ZSCAN25: variants seen among roughly 807,000 people sequenced by gnomAD.
The protein encoded by ZSCAN25 is zinc finger and SCAN domain-containing protein 25.
A neutral mutation model predicts 38.7 loss-of-function variants in ZSCAN25; 27 were observed. The ratio of observed to expected loss-of-function variants is 0.70; its 90% CI spans 0.51 to 0.96. ZSCAN25 has a LOEUF of 0.96. Ranked by LOEUF, ZSCAN25 falls within the 40% of genes least tolerant of loss-of-function variation. The pLI, the probability that ZSCAN25 is intolerant of heterozygous loss-of-function variation, is 0.00. For missense variants in ZSCAN25, 637 were observed against 705.9 expected (o/e 0.90, Z 1.11); for synonymous variants, 273 against 277.7 (o/e 0.98, Z 0.17).
At chr7:99,679,844 C>G in the ZSCAN25 span, 1 of 1,614,158 alleles carries the variant, frequency 6.2e-7, no homozygotes, top group African/African-American at 1.3e-5. Context: ...GAGCACCAGG[C>G]TGACAGCCAG....
the ZSCAN25 span, chr7:99,648,233 G>T: frequency 6.4e-7 from 1 of 1,559,688 alleles, no homozygotes; most frequent in African/African-American, 1.4e-5. Context: ...AGGTTTTATT[G>T]ACTAAGTTGA....
At chr7:99,651,766 C>T in the ZSCAN25 span, among the ~76,000 whole-genome samples, 2 of 152,220 alleles carry the variant, frequency 1.3e-5, no homozygotes, top group South Asian at 2.1e-4. Flanking sequence ...GCGAACTGTG[C>T]CTAAGGCCTG....
the ZSCAN25 span, among the ~76,000 whole-genome samples, chr7:99,662,591 A>G: frequency 6.6e-6 from 1 of 152,144 alleles, no homozygotes; most frequent in Non-Finnish European, 1.5e-5. This position sits in a 1 kb window ranked among gnomAD's most constrained non-coding sequence, Gnocchi z 4.3. Flanking sequence ...ACTGTCCTCC[A>G]AGCATTCTAG....
the ZSCAN25 span, chr7:99,652,610 T>C: frequency 6.2e-7 from 1 of 1,614,068 alleles, no homozygotes; most frequent in African/African-American, 1.3e-5. Flanking sequence ...GTGAAGAGCA[T>C]AAGTTGGAAT....
the ZSCAN25 span, chr7:99,672,963 G>A: frequency 8.9e-7 from 1 of 1,121,440 alleles, no homozygotes; most frequent in Non-Finnish European, 1.1e-6. Context: ...AGAAATGACA[G>A]TAGAGCATTC....
chr7:99,646,797 T>C, the ZSCAN25 span, among the ~76,000 whole-genome samples: 28 of 142,080 alleles, frequency 2.0e-4, no homozygotes, highest in African/African-American at 4.6e-4. Flanking sequence ...ATATGTTTTA[T>C]ACACACACAC....
intron 4 of ZSCAN25, 123 bp downstream of exon 4, chr7:99,620,116 A>G: frequency 7.4e-7 from 1 of 1,357,124 alleles, no homozygotes. Flanking sequence ...CTGCCCTCAG[A>G]CTCCCTGAGG....
the ZSCAN25 span, among the ~76,000 whole-genome samples, chr7:99,669,850 A>G: frequency 1.3e-5 from 2 of 152,216 alleles, no homozygotes; most frequent in Non-Finnish European, 1.5e-5. Flanking sequence ...ATAGCTACAG[A>G]TGCTGCCCTG....
chr7:99,640,113 A>G, the ZSCAN25 span, among the ~76,000 whole-genome samples: 5 of 152,178 alleles, frequency 3.3e-5, no homozygotes, highest in African/African-American at 9.7e-5. Context: ...TACATCACAC[A>G]CTAAACCAAA....
At chr7:99,719,591 A>C in the ZSCAN25 span, among the ~76,000 whole-genome samples, 1 of 57,540 alleles carries the variant, frequency 1.7e-5, no homozygotes, top group Non-Finnish European at 8.6e-5. Flanking sequence ...CCAAAAGCAC[A>C]ATCCATAAAA....
intron 7 of ZSCAN25, among the ~76,000 whole-genome samples, chr7:99,624,768 G>A (rs1176473151): frequency 3.3e-5 from 5 of 152,158 alleles, no homozygotes; most frequent in Non-Finnish European, 7.3e-5. Flanking sequence ...GCCATTGTGT[G>A]TGACAGCAGC....
intron 3 of ZSCAN25, 112 bp from the exon 4 acceptor site, chr7:99,619,449 T>G: frequency 1.1e-6 from 1 of 878,452 alleles, no homozygotes. Flanking sequence ...GTGTTCAGTC[T>G]TTTGAAAATG....
the ZSCAN25 span, among the ~76,000 whole-genome samples, chr7:99,654,183 A>G: frequency 6.6e-6 from 1 of 152,008 alleles, no homozygotes; most frequent in African/African-American, 2.4e-5. Context: ...TGCACCCATT[A>G]ACTCGTCATT....
Position 99,621,506 on chromosome 7 carries a change from C to T in ZSCAN25, c.521C>T (p.Pro174Leu). Residue 174 changes from proline to leucine, a missense_variant, in exon 5 of 8, where the codon CCA becomes CTA. By Grantham distance (98) the Pro-to-Leu change is moderately conservative. Transcript: ENST00000394152. ...CCCCCTGGGGAAGGAGTTCAAGGTC[C>T]AGACCCAGGTACCGAGGAGCAGCTC... ...GMPPGEGVQG[P>L]DPGTEEQLSQ... The T allele has an allele frequency of 6.4e-7, 1 of 1,570,942 alleles. No individual in the cohort carries two copies. Among genetic ancestry groups the T allele is most frequent in the Admixed American group, 1.7e-5 (1 of 57,184 alleles).
Position 99,632,268 on chromosome 7 carries a change from A to G in ZSCAN25, c.*2248A>G, listed in dbSNP as rs888480187. ...TGTGGTAGTCTGATTTTTCATATCT[A>G]TTCAAATGTTAAGAAATATTTTGTT... On this transcript the variant is annotated 3_prime_UTR_variant, in exon 8 of 8. Coordinates refer to ENST00000394152, the MANE Select transcript of ZSCAN25 (RefSeq NM_145115.3). 3 of 981,502 alleles carry G rather than the reference A, an allele frequency of 3.1e-6. No individual in the cohort carries two copies. The highest frequency in any genetic ancestry group is 3.6e-6 in the Non-Finnish European group (3 of 826,412). 60.8% of individuals were successfully genotyped at this position (981,502 alleles called of 1,614,324 possible). A position where few individuals can be genotyped will look rare whatever the true frequency, so the allele number is the denominator to read the frequency against.
At chr7:99,667,012 T>G in the ZSCAN25 span, 2 of 1,614,170 alleles carry the variant, frequency 1.2e-6, no homozygotes, top group East Asian at 2.2e-5. Flanking sequence ...TCTTCCATTC[T>G]TCATCCTCAG....
At chr7:99,714,403 T>A in the ZSCAN25 span, 1 of 1,307,070 alleles carries the variant, frequency 7.7e-7, no homozygotes, top group Non-Finnish European at 1.0e-6. Context: ...CTTTCTGCAT[T>A]CCTACCAAAT....
chr7:99,620,157 AAG>A, intron 4 of ZSCAN25, 164 bp downstream of exon 4: 1 of 1,019,688 alleles, frequency 9.8e-7, no homozygotes, highest in Non-Finnish European at 1.4e-6. Context: ...CGTTTTCAGC[AAG>A]AAAGGCCATT....
chr7:99,721,283 A>G, the ZSCAN25 span, among the ~76,000 whole-genome samples: 1 of 152,216 alleles, frequency 6.6e-6, no homozygotes, highest in Non-Finnish European at 1.5e-5. Flanking sequence ...AGAATGAAAA[A>G]TTCCACACTT....
Sources: allele counts gnomAD v4.1 joint callset (sites outside exome capture counted in the v4.1 genomes callset), GRCh38; gene constraint gnomAD v4.1.1; non-coding constraint Gnocchi (gnomAD v3.1); transcripts MANE v1.5; gene names NCBI Gene and HGNC (gene_info 2026-07-23, HGNC 2026-07-21).